Variants in RFESD observed in about 807,000 individuals in gnomAD.
RFESD encodes the protein Rieske domain-containing protein.
A neutral mutation model predicts 24.4 loss-of-function variants in RFESD; 16 were observed. The observed-to-expected ratio is 0.66, with a 90% CI of 0.44 to 1.00. RFESD has a LOEUF of 1.00. RFESD is among the 50% of genes least tolerant of loss of function. The pLI, the probability that RFESD is intolerant of heterozygous loss-of-function variation, is 0.00. For missense variants in RFESD, 208 were observed against 247.0 expected, an observed-to-expected ratio of 0.84 and a Z score of 1.06; for synonymous variants, 59 against 81.8, an observed-to-expected ratio of 0.72 and a Z score of 1.50.
In RFESD at chr5:95,656,747, TC is replaced by T. The variant is rs1167183188; in HGVS notation, c.*440del. On this transcript the variant is annotated 3_prime_UTR_variant, in exon 6 of 6. Coordinates refer to ENST00000380005, the MANE Select transcript of RFESD (RefSeq NM_001131066.2). The stretch of plus-strand genomic sequence containing the variant: ...AAGTAAACAGACTATATAATGAACT[TC>T]CATCACTCAGCTTTAACAGTTATCA... The T allele has an allele frequency of 6.5e-6, 1 of 153,396 alleles. No homozygotes were observed. The highest frequency in any genetic ancestry group is 2.4e-5 in the African/African-American group (1 of 41,444). The allele number at this position is 153,396 out of a possible 1,614,324, so 9.5% of individuals were successfully genotyped here.
At chr5:95,653,273 G>A in intron 3 of RFESD, 59 bp downstream of exon 3, 1 of 1,546,868 alleles carries the variant, frequency 6.5e-7, no homozygotes, top group South Asian at 1.2e-5. Context: ...TAGCTATCTG[G>A]TTGTGCCTGT....
At chr5:95,651,040 G>A (rs974426242) in intron 1 of RFESD, among the ~76,000 whole-genome samples, 2 of 149,124 alleles carry the variant, frequency 1.3e-5, no homozygotes, top group Admixed American at 6.7e-5. Context: ...GGAGCTTGCA[G>A]TGAGCCCAGA....
chr5:95,656,520 A>G lies in RFESD; in HGVS notation c.*211A>G, dbSNP rs1284699611. The stretch of plus-strand genomic sequence containing the variant: ...GAATACATTTTATCGAATCTTCTGG[A>G]TTAATTAGAAACCTGAAGGTTATAG... On this transcript the variant is annotated 3_prime_UTR_variant, in exon 6 of 6. Transcript: ENST00000380005. 2 of 467,940 alleles carry G rather than the reference A, an allele frequency of 4.3e-6. No homozygotes were observed. Among genetic ancestry groups the G allele is most frequent in the Admixed American group, 3.8e-5 (1 of 26,570 alleles). The allele number at this position is 467,940 out of a possible 1,614,324, so 29.0% of individuals were successfully genotyped here. A position where few individuals can be genotyped will look rare whatever the true frequency, so the allele number is the denominator to read the frequency against.
intron 1 of RFESD, among the ~76,000 whole-genome samples, chr5:95,650,608 T>C (rs1266545080): frequency 6.6e-6 from 1 of 152,234 alleles, no homozygotes; most frequent in Admixed American, 6.5e-5. Flanking sequence ...CTTTTTCTGC[T>C]AACATTTTAA....
In RFESD at chr5:95,653,185, T is replaced by C. The variant is rs574881450; in HGVS notation, c.129T>C (p.Ala43=). ...TGCATTTTGGGCATTTCAGCTCAGC[T>C]GTCATCTCAGTGACCAGTTTTTATC... The part of the protein sequence containing the change: ...VHLHFGHFSS[A]VISVTSFYLS... The change falls in exon 3 of 6, where the codon GCT becomes GCC. Residue 43 remains alanine (A), a synonymous_variant. Transcript: ENST00000380005. The C allele has an allele frequency of 5.2e-6, 8 of 1,551,780 alleles. No homozygotes were observed. The East Asian group carries it at 1.7e-4, about 33-fold the overall frequency.
chr5:95,652,730 C>T (rs1447525220), intron 2 of RFESD: 4 of 242,344 alleles, frequency 1.7e-5, no homozygotes, highest in Non-Finnish European at 3.1e-5. Context: ...TGAATAGTGC[C>T]TGGCACATAG....
chr5:95,647,311 G>C (rs12516538), intron 1 of RFESD: 1 of 152,276 alleles, frequency 6.6e-6, no homozygotes, highest in East Asian at 1.9e-4. Context: ...ATGGACCTTA[G>C]AGGTGCCAGC....
Position 95,656,257 on chromosome 5 carries a change from ACT to A in RFESD, c.584_585del (p.Ser195Ter). On this transcript the variant is annotated frameshift_variant, in exon 6 of 6. Coordinates refer to ENST00000380005, the MANE Select transcript of RFESD (RefSeq NM_001131066.2). LOFTEE classifies it high-confidence loss of function. ...CTTTCTAATGAACCTTTTAAGTGTGACTCTGATTTTTATGCCACTGGAGACTT... is the reference window on the plus strand; with the variant it reads ...CTTTCTAATGAACCTTTTAAGTGTGACTGATTTTTATGCCACTGGAGACTT... 2 of 1,613,286 alleles carry A rather than the reference ACT, an allele frequency of 1.2e-6. No individual in the cohort carries two copies. The highest frequency in any genetic ancestry group is 1.3e-5 in the African/African-American group (1 of 74,996).
At chr5:95,653,294 T>G in intron 3 of RFESD, 80 bp downstream of exon 3, 12 of 1,532,868 alleles carry the variant, frequency 7.8e-6, no homozygotes, top group Non-Finnish European at 1.1e-5. Flanking sequence ...AAGAGCCAAC[T>G]GTGTACTCCA....
At chr5:95,646,845 G>C (rs1172746642) in intron 1 of RFESD, 28 bp downstream of exon 1, 1 of 152,552 alleles carries the variant, frequency 6.6e-6, no homozygotes, top group Non-Finnish European at 1.5e-5. Flanking sequence ...CGCGCAGGGG[G>C]CGGGCTGGCG....
chr5:95,647,166 A>G, intron 1 of RFESD: 1 of 152,360 alleles, frequency 6.6e-6, no homozygotes, highest in Non-Finnish European at 1.5e-5. Flanking sequence ...GCCGTCCTGG[A>G]GATACTCGCC....
Position 95,656,672 on chromosome 5 carries a change from TC to T in RFESD, c.*366del, listed in dbSNP as rs1338959537. 6.2e-6 allele frequency: 1 copy of T among 160,934 alleles called. No individual in the cohort carries two copies. The highest frequency in any genetic ancestry group is 2.4e-5 in the African/African-American group (1 of 41,458). The allele number at this position is 160,934 out of a possible 1,614,324, so 10.0% of individuals were successfully genotyped here. On this transcript the variant is annotated 3_prime_UTR_variant, in exon 6 of 6. Transcript: ENST00000380005. ...ATTTAATTTTTAAAATAGGAAAAAA[TC>T]CCTGTTTGATGTAGCAGACTTAATT...
intron 5 of RFESD, 138 bp from the exon 6 acceptor site, chr5:95,655,908 C>A (rs936976578): frequency 1.4e-6 from 1 of 715,482 alleles, no homozygotes; most frequent in African/African-American, 1.8e-5. Flanking sequence ...CTGCTTTATG[C>A]TGAATAATTT....
In RFESD at chr5:95,653,320, A is replaced by G. The variant is rs1750475722; in HGVS notation, c.158+106A>G. 2.0e-6 allele frequency: 3 copies of G among 1,472,744 alleles called. No homozygotes were observed. The African/African-American group carries it at 4.2e-5, about 21-fold the overall frequency. 91.2% of individuals were successfully genotyped at this position (1,472,744 alleles called of 1,614,324 possible). A position where few individuals can be genotyped will look rare whatever the true frequency, so the allele number is the denominator to read the frequency against. ...GTGTACTCCAGGCAAAACCAAGTGG[A>G]CCACCTTAGCCAAGAGGCTGAAGAC... On this transcript the variant is annotated intron_variant, in intron 3 of 5. Coordinates refer to ENST00000380005, the MANE Select transcript of RFESD (RefSeq NM_001131066.2).
At position 95,654,223 on chromosome 5, in the gene RFESD, T is replaced by C. The variant is rs776148534; in HGVS notation, c.321T>C (p.Asp107=). Residue 107 remains aspartate, a synonymous_variant, in exon 4 of 6, where the codon GAT becomes GAC. Coordinates refer to ENST00000380005, the MANE Select transcript of RFESD (RefSeq NM_001131066.2). ...ACAAGGGAGAATATCATGCTATGGA[T>C]ATTCGCTGTTACCGTAAGATTTTAT... ...FYHKGEYHAM[D]IRCYHSGGPL... is the part of the protein sequence containing the mutation. 2.5e-6 allele frequency: 4 copies of C among 1,612,466 alleles called. No homozygotes were observed. The highest frequency in any genetic ancestry group is 3.4e-6 in the Non-Finnish European group (4 of 1,179,282).
At chr5:95,653,943 G>C (rs866749281) in intron 3 of RFESD, 118 bp from the exon 4 acceptor site, 3 of 667,120 alleles carry the variant, frequency 4.5e-6, no homozygotes, top group Non-Finnish European at 7.7e-6. Flanking sequence ...TATAGCTACA[G>C]AAAGTGCCTC....
chr5:95,653,449 G>A (rs1180899572), intron 3 of RFESD, among the ~76,000 whole-genome samples: 2 of 152,228 alleles, frequency 1.3e-5, no homozygotes, highest in Non-Finnish European at 2.9e-5. Flanking sequence ...AAGGGATAGT[G>A]AAACTTAAAT....
At position 95,653,133 on chromosome 5, in the gene RFESD, C is replaced by A; in HGVS notation, c.77C>A (p.Pro26His). The A allele has an allele frequency of 6.4e-7, 1 of 1,551,670 alleles. No individual in the cohort carries two copies. Among genetic ancestry groups the A allele is most frequent in the Non-Finnish European group, 8.7e-7 (1 of 1,146,980 alleles). ...TLPLQYGILF[P>H]KLLACLVHLH... ...TTCTTTCAGTATGGAATTCTCTTCC[C>A]CAAGCTGTTGGCATGTCTAGTTCAT... is the stretch of plus-strand genomic sequence containing the variant. Residue 26 changes from proline to histidine, a missense_variant, in exon 3 of 6, where the codon CCC becomes CAC. Coordinates refer to ENST00000380005, the MANE Select transcript of RFESD (RefSeq NM_001131066.2).
At position 95,654,378 on chromosome 5, in the gene RFESD, T is replaced by C. The variant is rs1198344836; in HGVS notation, c.369+11T>C. ...TTGGGAGATATAGAGGTATGTAAAA[T>C]TAAATTTATTTTCAGCAAATTCAGC... On this transcript the variant is annotated intron_variant, in intron 5 of 5. Transcript: ENST00000380005. 2.6e-6 allele frequency: 4 copies of C among 1,558,264 alleles called. No homozygotes were observed. The highest frequency in any genetic ancestry group is 1.2e-5 in the South Asian group (1 of 84,766).
Sources: gnomAD v4.1 joint callset for allele counts (sites outside exome capture counted in the v4.1 genomes callset) on GRCh38, gnomAD v4.1.1 for gene constraint, MANE v1.5 for transcripts, NCBI Gene and HGNC (gene_info 2026-07-23, HGNC 2026-07-21) for gene names.